Variants in STON1 observed in about 807,000 individuals in gnomAD.
The protein encoded by STON1 is stonin 1.
In STON1, 79 loss-of-function variants were observed where a neutral mutation model predicts 60.9. The observed-to-expected ratio is 1.30, with a 90% confidence interval of 1.08 to 1.56. The LOEUF is 1.56. Among genes scored for constraint, STON1 ranks in the 40% most tolerant of loss-of-function variants. The pLI is 0.00. For missense variants in STON1, 1,166 were observed against 858.9 expected (o/e 1.36, Z -4.47); for synonymous variants, 363 against 306.9 (o/e 1.18, Z -1.91).
intron 1 of STON1, among the ~76,000 whole-genome samples, chr2:48,538,156 A>G (rs574620215): frequency 1.6e-4 from 25 of 152,010 alleles, no homozygotes; most frequent in Non-Finnish European, 3.4e-4. Flanking sequence ...ATGGAATTTC[A>G]CCGTGTTAGC....
intron 1 of STON1, among the ~76,000 whole-genome samples, chr2:48,565,920 A>T (rs6738233): frequency 0.12 from 18,170 of 152,204 alleles, 1,474 homozygotes; most frequent in Middle Eastern, 0.25. Flanking sequence ...TAGAAATGTC[A>T]TGATAATAAG....
Position 48,581,437 on chromosome 2 carries a change from C to G in STON1, c.804C>G (p.Phe268Leu), listed in dbSNP as rs774328800. Residue 268 changes from phenylalanine (F) to leucine (L), a missense_variant, in exon 2 of 4, where the codon TTC (phenylalanine) becomes TTG (leucine). Phe to Leu is a conservative substitution (Grantham distance 22, BLOSUM62 0). Transcript: ENST00000404752. ...NASSFVPHTLFRSQPKSGWSF... is the reference protein window; with the variant it reads ...NASSFVPHTLLRSQPKSGWSF... ...CTTCCTTTGTCCCCCACACACTCTT[C>G]AGGAGTCAGCCAAAATCCGGATGGT... 1 of 1,614,134 alleles carries G rather than the reference C, an allele frequency of 6.2e-7. No individual in the cohort carries two copies. Among genetic ancestry groups the G allele is most frequent in the Non-Finnish European group, 8.5e-7 (1 of 1,179,964 alleles).
Position 48,582,244 on chromosome 2 carries a change from G to A in STON1, c.1611G>A (p.Gln537=), listed in dbSNP as rs773593670. The A allele has an allele frequency of 5.0e-6, 8 of 1,614,206 alleles. No homozygotes were observed. The highest frequency in any genetic ancestry group is 5.9e-6 in the Non-Finnish European group (7 of 1,180,038). ...CCTTGAAGTCTGTAGTGGTTGTCCA[G>A]GGAGCATACGTGGAACTTCAGGCTT... ...PFSLKSVVVV[Q]GAYVELQAFV... The change falls in exon 2 of 4, where the codon CAG becomes CAA. Residue 537 remains glutamine, a synonymous_variant. Coordinates refer to ENST00000404752, the MANE Select transcript of STON1 (RefSeq NM_006873.4).
intron 1 of STON1, among the ~76,000 whole-genome samples, chr2:48,541,436 C>A (rs1229212514): frequency 6.7e-6 from 1 of 148,306 alleles, no homozygotes; most frequent in Non-Finnish European, 1.5e-5. Flanking sequence ...GTAATCCCAG[C>A]ACTCTGGGAG....
chr2:48,550,652 T>C (rs1259650695), intron 1 of STON1, among the ~76,000 whole-genome samples: 1 of 151,234 alleles, frequency 6.6e-6, no homozygotes, highest in Non-Finnish European at 1.5e-5. Flanking sequence ...AATATTATTC[T>C]CTATTTTATG....
chr2:48,559,056 A>G (rs572709364), intron 1 of STON1, among the ~76,000 whole-genome samples: 35 of 152,196 alleles, frequency 2.3e-4, no homozygotes, highest in African/African-American at 8.2e-4. Flanking sequence ...TAAGTATAAT[A>G]CAAATATTTC....
chr2:48,571,683 A>G (rs1415022369), intron 1 of STON1, among the ~76,000 whole-genome samples: 4 of 152,212 alleles, frequency 2.6e-5, no homozygotes, highest in Non-Finnish European at 4.4e-5. Flanking sequence ...GGCTCTGGAC[A>G]GGGTGTGGCC....
At chr2:48,585,615 C>G (rs1048559207) in intron 2 of STON1, among the ~76,000 whole-genome samples, 1 of 152,166 alleles carries the variant, frequency 6.6e-6, no homozygotes, top group Non-Finnish European at 1.5e-5. Context: ...GCCAGAGAAA[C>G]CAGTTTTAAG....
chr2:48,558,806 C>G (rs766246797), intron 1 of STON1, among the ~76,000 whole-genome samples: 1 of 152,196 alleles, frequency 6.6e-6, no homozygotes, highest in Non-Finnish European at 1.5e-5. Context: ...TCCTAACCTC[C>G]CAGTGCACTT....
chr2:48,578,196 T>C (rs1673630663), intron 1 of STON1, among the ~76,000 whole-genome samples: 1 of 151,650 alleles, frequency 6.6e-6, no homozygotes, highest in Non-Finnish European at 1.5e-5. Flanking sequence ...ATGCTGGCCT[T>C]GGACTTCTGA....
At chr2:48,586,599 G>C (rs374696471) in intron 2 of STON1, among the ~76,000 whole-genome samples, 1 of 152,158 alleles carries the variant, frequency 6.6e-6, no homozygotes, top group Non-Finnish European at 1.5e-5. Context: ...GTGTGTGGGT[G>C]GGGGATCTTA....
chr2:48,566,292 C>T (rs749479109), intron 1 of STON1, among the ~76,000 whole-genome samples: 1 of 152,196 alleles, frequency 6.6e-6, no homozygotes, highest in Non-Finnish European at 1.5e-5. Flanking sequence ...TCTCCTGCCT[C>T]AGCTTCCCAA....
chr2:48,543,231 T>A (rs2103762164), intron 1 of STON1, among the ~76,000 whole-genome samples: 1 of 151,708 alleles, frequency 6.6e-6, no homozygotes, highest in East Asian at 2.0e-4. Context: ...TGCCTCGGCC[T>A]CCCAAAGTGC....
intron 1 of STON1, among the ~76,000 whole-genome samples, chr2:48,569,842 A>C (rs1429393670): frequency 6.6e-6 from 1 of 152,188 alleles, no homozygotes; most frequent in Non-Finnish European, 1.5e-5. Context: ...TGCATCCCCA[A>C]ATCTAAAATG....
intron 1 of STON1, among the ~76,000 whole-genome samples, chr2:48,567,136 G>T (rs1428030378): frequency 6.6e-6 from 1 of 152,218 alleles, no homozygotes; most frequent in African/African-American, 2.4e-5. Context: ...AGCATGGTTA[G>T]GTTTTGCTGT....
intron 2 of STON1, among the ~76,000 whole-genome samples, chr2:48,584,579 TA>T (rs1456015857): frequency 6.6e-6 from 1 of 151,992 alleles, no homozygotes; most frequent in Non-Finnish European, 1.5e-5. Context: ...AACCTGACTA[TA>T]TTAGAATAAC....
intron 2 of STON1, among the ~76,000 whole-genome samples, chr2:48,587,103 T>G (rs1326255467): frequency 6.6e-6 from 1 of 152,112 alleles, no homozygotes; most frequent in Non-Finnish European, 1.5e-5. Flanking sequence ...CACATACCCA[T>G]ATTTGGGCCC....
chr2:48,564,929 C>A, intron 1 of STON1, among the ~76,000 whole-genome samples: 1 of 147,930 alleles, frequency 6.8e-6, no homozygotes. Flanking sequence ...GACGGGGTTT[C>A]ACCATGTTGG....
In STON1 at chr2:48,551,210, G is replaced by T. The variant is rs17325614; in HGVS notation, c.-48+20994G>T. Reference sequence around the variant, plus strand: ...GGCACCCTAGTTATGTGGCCAAGTGGAACATCGCAACAGGGAGAATGGGTT... The same window carrying T: ...GGCACCCTAGTTATGTGGCCAAGTGTAACATCGCAACAGGGAGAATGGGTT... On this transcript the variant is annotated intron_variant, in intron 1 of 3. Transcript: ENST00000404752. Among the ~76,000 whole-genome samples the T allele has an allele frequency of 7.0e-3, 1,066 of 152,264 alleles. 6 individuals carry two copies. The highest frequency in any genetic ancestry group is 0.011 in the Non-Finnish European group (736 of 68,024).
Sources: gnomAD v4.1 joint callset for allele counts (sites outside exome capture counted in the v4.1 genomes callset) on GRCh38, gnomAD v4.1.1 for gene constraint, MANE v1.5 for transcripts, NCBI Gene and HGNC (gene_info 2026-07-23, HGNC 2026-07-21) for gene names.